TTC21B: variants seen among roughly 807,000 people sequenced by gnomAD.
TTC21B encodes the protein tetratricopeptide repeat domain 21B, also known as tetratricopeptide repeat protein 21B.
Under a neutral mutation model 175.1 loss-of-function variants are expected in TTC21B, and 127 were observed. The observed-to-expected ratio is 0.73, with a 90% confidence interval of 0.63 to 0.84. The LOEUF is 0.84. Among genes scored for constraint, TTC21B ranks in the 40% least tolerant of loss-of-function variants. The probability of loss-of-function intolerance (pLI) is 0.00; values close to 1 mark genes in which losing one functional copy is unlikely to be tolerated. For missense variants in TTC21B, 1,561 were observed against 1,558.3 expected (o/e 1.00, Z -0.03); for synonymous variants, 524 against 524.5 (o/e 1.00, Z 0.01).
intron 24 of TTC21B, among the ~76,000 whole-genome samples, chr2:165,890,247 T>G (rs1685141902): frequency 6.6e-6 from 1 of 152,194 alleles, no homozygotes; most frequent in Non-Finnish European, 1.5e-5. Flanking sequence ...CTAAAAGCAT[T>G]TCATGCCTGT....
At position 165,953,747 on chromosome 2, in the gene TTC21B, C is replaced by A. The variant is rs2105374868; in HGVS notation, c.-42G>T. On this transcript the variant is annotated 5_prime_UTR_variant, in exon 1 of 29. Coordinates refer to ENST00000243344, the MANE Select transcript of TTC21B (RefSeq NM_024753.5). The stretch of plus-strand genomic sequence containing the variant: ...GGCCGCGGGGCTCTGGGGATTGTCT[C>A]GCCGCAGCCTAAAGGAAGACGCAGA... 1 of 1,548,072 alleles carries A rather than the reference C, an allele frequency of 6.5e-7. No individual in the cohort carries two copies. Among genetic ancestry groups the A allele is most frequent in the East Asian group, 2.5e-5 (1 of 40,744 alleles).
At chr2:165,903,290 G>A (rs1685625759) in intron 19 of TTC21B, among the ~76,000 whole-genome samples, 1 of 152,070 alleles carries the variant, frequency 6.6e-6, no homozygotes, top group Admixed American at 6.6e-5. Context: ...ATGAAGAGAT[G>A]GAATGGCTCA....
chr2:165,935,870 A>C (rs1002924666), intron 6 of TTC21B, among the ~76,000 whole-genome samples: 3 of 152,194 alleles, frequency 2.0e-5, no homozygotes, highest in African/African-American at 7.2e-5. Flanking sequence ...AGACAATACA[A>C]GATGTTAGTT....
chr2:165,948,398 T>C (rs994971476), intron 3 of TTC21B: 2 of 152,246 alleles, frequency 1.3e-5, no homozygotes. Flanking sequence ...GTAACTGTAT[T>C]AGGCACAGTT....
chr2:165,883,078 C>T (rs192512319), intron 26 of TTC21B, among the ~76,000 whole-genome samples: 118 of 151,994 alleles, frequency 7.8e-4, no homozygotes, highest in African/African-American at 2.8e-3. Context: ...TAATCTAATT[C>T]GCTCAATGAG....
Position 165,911,293 on chromosome 2 carries a change from T to C in TTC21B, c.2461+34A>G, listed in dbSNP as rs752128580. 19 of 1,612,922 alleles carry C rather than the reference T, an allele frequency of 1.2e-5. No homozygotes were observed. The South Asian group carries it at 1.8e-4, about 15-fold the overall frequency. On this transcript the variant is annotated intron_variant, in intron 18 of 28. Transcript: ENST00000243344. ...ATAAAAATAAAATGGATCAGAGTTATCAGACTTTTTTCAAACCAGAAAGAC... is the reference window on the plus strand; with the variant it reads ...ATAAAAATAAAATGGATCAGAGTTACCAGACTTTTTTCAAACCAGAAAGAC...
intron 27 of TTC21B, among the ~76,000 whole-genome samples, chr2:165,877,521 T>C (rs142940139): frequency 3.3e-3 from 502 of 152,326 alleles, no homozygotes; most frequent in East Asian, 0.012. Flanking sequence ...TGTACAGGTA[T>C]GTAGCCTAGG....
chr2:165,952,796 C>A (rs1687799384), intron 1 of TTC21B, among the ~76,000 whole-genome samples: 1 of 152,236 alleles, frequency 6.6e-6, no homozygotes, highest in Non-Finnish European at 1.5e-5. Flanking sequence ...ACAGGATACA[C>A]ATTTCATTTA....
At chr2:165,950,766 C>A (rs1449190638) in intron 1 of TTC21B, among the ~76,000 whole-genome samples, 1 of 152,148 alleles carries the variant, frequency 6.6e-6, no homozygotes, top group Non-Finnish European at 1.5e-5. Flanking sequence ...CCCCACCGCA[C>A]CTGGCTAATT....
chr2:165,927,014 A>ATATATATATATATATC (rs1385347841), intron 11 of TTC21B, among the ~76,000 whole-genome samples: 1 of 113,006 alleles, frequency 8.8e-6, no homozygotes, highest in African/African-American at 3.4e-5. Context: ...ATATATATAT[A>ATATATATATATATATC]TATCTCCTAG....
chr2:165,890,565 G>A lies in TTC21B; in HGVS notation c.3177C>T (p.Ala1059=). 6.2e-7 allele frequency: 1 copy of A among 1,613,582 alleles called. No individual in the cohort carries two copies. Among genetic ancestry groups the A allele is most frequent in the Non-Finnish European group, 8.5e-7 (1 of 1,179,736 alleles). ...AACAGATCTCTATCATATTATAAAGGGCATTTTGGCCCCAGTCACGATCTT... is the reference window on the plus strand; with the variant it reads ...AACAGATCTCTATCATATTATAAAGAGCATTTTGGCCCCAGTCACGATCTT... ...ARKDRDWGQN[A]LYNMIEICLN... Residue 1059 remains alanine (A), a synonymous_variant, in exon 24 of 29, where the codon GCC becomes GCT. Transcript: ENST00000243344.
At position 165,915,294 on chromosome 2, in the gene TTC21B, G is replaced by T; in HGVS notation, c.2045C>A (p.Ala682Asp). Residue 682 changes from alanine to aspartate, a missense_variant, in exon 15 of 29, where the codon GCC becomes GAC. Physicochemically the swap from Ala to Asp is moderately radical, Grantham distance 126 (BLOSUM62 -2). Transcript: ENST00000243344. ...GGCCTCTATAAAATAAGGCTGTTCG[G>T]CTGTAACATTCTGAAGGATGCTTAA... ...RALSILQNVT[A>D]EQPYFIEARE... The T allele has an allele frequency of 6.2e-7, 1 of 1,614,024 alleles. No homozygotes were observed. Among genetic ancestry groups the T allele is most frequent in the South Asian group, 1.1e-5 (1 of 91,080 alleles).
chr2:165,906,920 A>G (rs1685755371), intron 19 of TTC21B, among the ~76,000 whole-genome samples: 1 of 140,284 alleles, frequency 7.1e-6, no homozygotes, highest in South Asian at 2.3e-4. Context: ...ATGCCATTAC[A>G]CTCCAGCCTG....
intron 6 of TTC21B, among the ~76,000 whole-genome samples, chr2:165,936,199 A>C (rs112035361): frequency 0.012 from 1,822 of 152,252 alleles, 40 homozygotes; most frequent in African/African-American, 0.042. Flanking sequence ...GAGCAAGGAC[A>C]ATGCAGTGGA....
At chr2:165,891,814 CCAT>C (rs1281805867) in intron 22 of TTC21B, among the ~76,000 whole-genome samples, 5 of 151,874 alleles carry the variant, frequency 3.3e-5, no homozygotes, top group African/African-American at 1.2e-4. Context: ...AAAAAAATCA[CCAT>C]ATTTCCAGCT....
rs1687693768 is a variant in TTC21B at position 165,949,489 on chromosome 2, G to C, written c.167C>G (p.Ala56Gly). Residue 56 changes from alanine to glycine, a missense_variant, in exon 3 of 29, where the codon GCT becomes GGT. Ala to Gly is a moderately conservative substitution (Grantham distance 60). Coordinates refer to ENST00000243344, the MANE Select transcript of TTC21B (RefSeq NM_024753.5). ...TTTAATAGCCTCAAATTCTCGAAGA[G>C]CTTCTTGAGTTTTACCTGAAAATCA... ...GTLMEGKTQEALREFEAIKNK... is the reference protein window; with the variant it reads ...GTLMEGKTQEGLREFEAIKNK... The C allele has an allele frequency of 6.2e-7, 1 of 1,613,758 alleles. No individual in the cohort carries two copies. Among genetic ancestry groups the C allele is most frequent in the Non-Finnish European group, 8.5e-7 (1 of 1,179,798 alleles).
At chr2:165,917,082 T>C (rs1167153998) in intron 14 of TTC21B, among the ~76,000 whole-genome samples, 175 bp downstream of exon 14, 2 of 152,180 alleles carry the variant, frequency 1.3e-5, no homozygotes, top group Non-Finnish European at 2.9e-5. Flanking sequence ...TTTCACCATA[T>C]TGGCCAGGCT....
intron 5 of TTC21B, among the ~76,000 whole-genome samples, chr2:165,942,737 C>G (rs906857790): frequency 6.6e-6 from 1 of 152,178 alleles, no homozygotes; most frequent in Non-Finnish European, 1.5e-5. Flanking sequence ...TCACTTTCTC[C>G]GACCACTTCA....
intron 11 of TTC21B, among the ~76,000 whole-genome samples, chr2:165,927,269 GTTATATATATATATATCCTAGTA>G (rs1559064771): frequency 1.1e-4 from 5 of 45,326 alleles, no homozygotes; most frequent in South Asian, 6.7e-4. Flanking sequence ...TATCCTAGTA[GTTATATATATATATATCCTAGTA>G]GTTATATATA....
Sources: gnomAD v4.1 joint callset for allele counts (sites outside exome capture counted in the v4.1 genomes callset) on GRCh38, gnomAD v4.1.1 for gene constraint, MANE v1.5 for transcripts, NCBI Gene and HGNC (gene_info 2026-07-23, HGNC 2026-07-21) for gene names.